TCERG1L: variants seen among roughly 807,000 people sequenced by gnomAD.
TCERG1L encodes transcription elongation regulator 1 like.
A neutral mutation model predicts 56.3 loss-of-function variants in TCERG1L; 37 were observed. The observed-to-expected ratio is 0.66, with a 90% CI of 0.51 to 0.87. The LOEUF is 0.87. TCERG1L is among the 40% of genes least tolerant of loss of function. The pLI, the probability that TCERG1L is intolerant of heterozygous loss-of-function variation, is 0.00. For synonymous variants in TCERG1L, 324 were observed against 326.3 expected (o/e 0.99, Z 0.08); for missense variants, 799 against 774.2 (o/e 1.03, Z -0.38).
At chr10:131,216,209 G>A (rs985805642) in intron 4 of TCERG1L, among the ~76,000 whole-genome samples, 8 of 152,292 alleles carry the variant, frequency 5.3e-5, no homozygotes, top group South Asian at 2.1e-4. Flanking sequence ...TAGAAAAATC[G>A]TCTCACTAGT....
rs183469702 is a variant in TCERG1L at position 131,245,145 on chromosome 10, C to T, written c.856+15114G>A. Reference sequence around the variant, plus strand: ...TGGGAGCCTGGTGGGATCTTTTGAGCTCCTGAAAGGTCTCATTGGTACTGC... The same window carrying T: ...TGGGAGCCTGGTGGGATCTTTTGAGTTCCTGAAAGGTCTCATTGGTACTGC... On this transcript the variant is annotated intron_variant, in intron 4 of 11. Coordinates refer to ENST00000368642, the MANE Select transcript of TCERG1L (RefSeq NM_174937.4). Among the ~76,000 whole-genome samples, 215 of 152,322 alleles carry T rather than the reference C, an allele frequency of 1.4e-3. 1 individual carries two copies. Among genetic ancestry groups the T allele is most frequent in the African/African-American group, 4.9e-3 (203 of 41,570 alleles).
At chr10:131,285,978 G>T (rs1000570850) in intron 3 of TCERG1L, among the ~76,000 whole-genome samples, 1 of 152,146 alleles carries the variant, frequency 6.6e-6, no homozygotes, top group Non-Finnish European at 1.5e-5. Context: ...CCAGCATGGG[G>T]TACCAGCCAT....
At chr10:131,276,421 A>G (rs2133558125) in intron 3 of TCERG1L, among the ~76,000 whole-genome samples, 1 of 152,356 alleles carries the variant, frequency 6.6e-6, no homozygotes, top group East Asian at 1.9e-4. Context: ...TCTTTAATGC[A>G]TTAAGCAAAA....
intron 8 of TCERG1L, among the ~76,000 whole-genome samples, chr10:131,129,801 T>C (rs535005936): frequency 5.9e-5 from 9 of 152,318 alleles, no homozygotes; most frequent in South Asian, 4.1e-4. Flanking sequence ...GGAGGTGTAA[T>C]TGACTCACAG....
chr10:131,142,779 C>T (rs76326375), intron 7 of TCERG1L, among the ~76,000 whole-genome samples: 7,589 of 152,236 alleles, frequency 0.05, 282 homozygotes, highest in South Asian at 0.22. Flanking sequence ...CAGGCACGGG[C>T]CACAGATTCA....
chr10:131,277,799 G>A (rs139615346), intron 3 of TCERG1L, among the ~76,000 whole-genome samples: 207 of 152,288 alleles, frequency 1.4e-3, no homozygotes, highest in African/African-American at 4.8e-3. Flanking sequence ...AAAGGTGCCC[G>A]GAGGAGGGCA....
intron 4 of TCERG1L, among the ~76,000 whole-genome samples, chr10:131,219,904 C>T (rs992945723): frequency 2.0e-5 from 3 of 152,144 alleles, no homozygotes; most frequent in East Asian, 1.9e-4. Context: ...CTCGGATGAG[C>T]GTGGTTTGCT....
intron 8 of TCERG1L, among the ~76,000 whole-genome samples, chr10:131,122,970 G>A (rs1217575886): frequency 2.0e-5 from 3 of 152,214 alleles, no homozygotes; most frequent in African/African-American, 7.2e-5. Flanking sequence ...CATTCAGCAG[G>A]CATTTCCAAG....
intron 4 of TCERG1L, among the ~76,000 whole-genome samples, chr10:131,177,057 T>TGC: frequency 2.6e-5 from 1 of 38,066 alleles, no homozygotes; most frequent in Non-Finnish European, 6.3e-5. Context: ...CACAGACGTA[T>TGC]ACACACACAG....
At chr10:131,171,199 A>G (rs7477256) in intron 4 of TCERG1L, among the ~76,000 whole-genome samples, 69,074 of 129,598 alleles carry the variant, frequency 0.53, 18,998 homozygotes, top group South Asian at 0.72. Context: ...AAGAAAGAAA[A>G]AAAGAAAGAA....
intron 4 of TCERG1L, among the ~76,000 whole-genome samples, chr10:131,203,144 G>A (rs76885104): frequency 0.14 from 21,685 of 152,064 alleles, 1,575 homozygotes; most frequent in East Asian, 0.17. Context: ...CAGCAGTGAC[G>A]CCTTCTCAGG....
At chr10:131,289,264 G>A (rs964282211) in intron 3 of TCERG1L, among the ~76,000 whole-genome samples, 6 of 151,756 alleles carry the variant, frequency 4.0e-5, no homozygotes, top group Admixed American at 3.3e-4. Context: ...TCTAACAGCA[G>A]GTGATACTCT....
intron 3 of TCERG1L, among the ~76,000 whole-genome samples, chr10:131,295,123 T>A (rs559399302): frequency 6.6e-6 from 1 of 152,332 alleles, no homozygotes; most frequent in South Asian, 2.1e-4. Context: ...ATAATGCTTT[T>A]GGGATCCACT....
At chr10:131,279,033 G>A (rs915611051) in intron 3 of TCERG1L, among the ~76,000 whole-genome samples, 4 of 152,154 alleles carry the variant, frequency 2.6e-5, no homozygotes, top group African/African-American at 7.2e-5. Flanking sequence ...CCAGAAGCCC[G>A]GAAACCTTGC....
At chr10:131,203,569 C>T (rs187595210) in intron 4 of TCERG1L, among the ~76,000 whole-genome samples, 20 of 152,296 alleles carry the variant, frequency 1.3e-4, no homozygotes, top group Admixed American at 1.2e-3. Flanking sequence ...CGTTCACATT[C>T]GAAGATGGTG....
chr10:131,273,985 A>G (rs906965031), intron 3 of TCERG1L, among the ~76,000 whole-genome samples: 3 of 152,142 alleles, frequency 2.0e-5, no homozygotes, highest in Non-Finnish European at 2.9e-5. Flanking sequence ...GAGAAATGAA[A>G]CTGCTTGCTC....
chr10:131,131,694 G>T (rs190301929), intron 8 of TCERG1L, among the ~76,000 whole-genome samples: 13 of 152,284 alleles, frequency 8.5e-5, no homozygotes, highest in African/African-American at 2.9e-4. Flanking sequence ...TTATGCCAGG[G>T]TTCACAAGAA....
rs1222774265 is a variant in TCERG1L, at chr10:131,308,115, T to C, written c.670+96A>G. On this transcript the variant is annotated intron_variant, in intron 3 of 11. Transcript: ENST00000368642. The stretch of plus-strand genomic sequence containing the variant: ...AATTATATTTTACCAAGATAATTGT[T>C]TCATTAAAATGATGAGTATGGTTTT... 3 of 1,200,560 alleles carry C rather than the reference T, an allele frequency of 2.5e-6. No individual in the cohort carries two copies. In the Admixed American group the frequency reaches 8.9e-5, roughly 36 times the overall value. The allele number at this position is 1,200,560 out of a possible 1,614,324, so 74.4% of individuals were successfully genotyped here. A position where few individuals can be genotyped will look rare whatever the true frequency, so the allele number is the denominator to read the frequency against.
chr10:131,155,165 C>A (rs1216341553), intron 6 of TCERG1L, among the ~76,000 whole-genome samples: 2 of 152,176 alleles, frequency 1.3e-5, no homozygotes, highest in African/African-American at 2.4e-5. Context: ...GCACCAACAA[C>A]GGAGGCTTCT....
Sources: allele counts gnomAD v4.1 joint callset (sites outside exome capture counted in the v4.1 genomes callset), GRCh38; gene constraint gnomAD v4.1.1; transcripts MANE v1.5; gene names NCBI Gene and HGNC (gene_info 2026-07-23, HGNC 2026-07-21).